The following MDGA2 variants were observed in gnomAD, a reference collection of about 807,000 sequenced individuals.
The protein encoded by MDGA2 is MAM domain containing glycosylphosphatidylinositol anchor 2, also known as MAM domain-containing glycosylphosphatidylinositol anchor protein 2.
A neutral mutation model predicts 117.8 loss-of-function variants in MDGA2; 40 were observed. The ratio of observed to expected loss-of-function variants is 0.34; its 90% CI spans 0.26 to 0.44. The LOEUF is 0.44. Among genes scored for constraint, MDGA2 ranks in the 20% least tolerant of loss-of-function variants. The probability of loss-of-function intolerance (pLI) is 1.00; values close to 1 mark genes in which losing one functional copy is unlikely to be tolerated. For synonymous variants in MDGA2, 452 were observed against 439.0 expected (o/e 1.03, Z -0.37); for missense variants, 1,123 against 1,250.6 (o/e 0.90, Z 1.54).
rs528893061 is a variant in MDGA2 at position 46,855,914 on chromosome 14, G to C, written c.2753-760C>G. The stretch of plus-strand genomic sequence containing the variant: ...CATTTTTCTTCTAAAAGAGTTATTG[G>C]AAAATAAAATGAAGATAGCTTTTAT... On this transcript the variant is annotated intron_variant, in intron 14 of 16. Transcript: ENST00000399232. This position sits in a 1 kb window ranked among gnomAD's most constrained non-coding sequence, Gnocchi z 4.1. Among the ~76,000 whole-genome samples, 4 of 151,810 alleles carry C rather than the reference G, an allele frequency of 2.6e-5. No homozygotes were observed. Among genetic ancestry groups the C allele is most frequent in the South Asian group, 4.2e-4 (2 of 4,806 alleles).
At chr14:47,072,175 G>A (rs1338884320) in intron 6 of MDGA2, among the ~76,000 whole-genome samples, 2 of 145,070 alleles carry the variant, frequency 1.4e-5, no homozygotes, top group African/African-American at 2.5e-5. Flanking sequence ...TAACTGATAA[G>A]AAATAAGAGT....
At chr14:46,950,508 G>A (rs79687698) in intron 9 of MDGA2, among the ~76,000 whole-genome samples, 17,809 of 151,832 alleles carry the variant, frequency 0.12, 1,983 homozygotes, top group African/African-American at 0.27. Flanking sequence ...TTATTTTTCA[G>A]TACAGCTGCA....
intron 1 of MDGA2, among the ~76,000 whole-genome samples, chr14:47,474,639 C>G (rs1387881312): frequency 6.6e-6 from 1 of 152,028 alleles, no homozygotes; most frequent in Non-Finnish European, 1.5e-5. Flanking sequence ...AAAACAGACC[C>G]ATGGACCAAT....
intron 8 of MDGA2, among the ~76,000 whole-genome samples, chr14:47,005,864 G>A (rs772468151): frequency 1.1e-4 from 16 of 151,522 alleles, no homozygotes; most frequent in Admixed American, 2.6e-4. Flanking sequence ...TATAAGCCAC[G>A]TGTAGTATTT....
At chr14:47,223,508 C>G (rs1472669149) in intron 2 of MDGA2, among the ~76,000 whole-genome samples, 1 of 152,104 alleles carries the variant, frequency 6.6e-6, no homozygotes, top group Non-Finnish European at 1.5e-5. Flanking sequence ...GTTCTAGAAG[C>G]TGCCTCATGA....
chr14:47,228,382 T>A (rs2139560792), intron 2 of MDGA2, among the ~76,000 whole-genome samples: 1 of 150,168 alleles, frequency 6.7e-6, no homozygotes, highest in African/African-American at 2.4e-5. Context: ...TTCTACTTGA[T>A]TTTTGACTTT....
intron 1 of MDGA2, among the ~76,000 whole-genome samples, chr14:47,472,819 T>G (rs1394952788): frequency 1.3e-5 from 2 of 152,156 alleles, no homozygotes; most frequent in Admixed American, 6.6e-5. Context: ...TGGAGAAAAT[T>G]ATAATGATGC....
intron 1 of MDGA2, among the ~76,000 whole-genome samples, chr14:47,417,663 C>T (rs968507486): frequency 6.6e-6 from 1 of 152,092 alleles, no homozygotes; most frequent in Admixed American, 6.6e-5. Flanking sequence ...AAGCTGCTTC[C>T]ACATTTTTAG....
intron 16 of MDGA2, among the ~76,000 whole-genome samples, chr14:46,845,310 C>A (rs1880790499): frequency 6.6e-6 from 1 of 152,210 alleles, no homozygotes; most frequent in Non-Finnish European, 1.5e-5. Context: ...GCCTCCCAGC[C>A]TTGCTGAACT....
Position 47,156,626 on chromosome 14 carries a change from T to G in MDGA2, c.596-12352A>C, listed in dbSNP as rs367797097. Among the ~76,000 whole-genome samples, 3 of 152,128 alleles carry G rather than the reference T, an allele frequency of 2.0e-5. No homozygotes were observed. In the East Asian group the frequency reaches 5.8e-4, roughly 29 times the overall value. Reference sequence around the variant, plus strand: ...AGCAGAAGCATGTTTTCCACAGGAGTTTATTCCACCATTTGGTCCAATTTT... The same window carrying G: ...AGCAGAAGCATGTTTTCCACAGGAGGTTATTCCACCATTTGGTCCAATTTT... On this transcript the variant is annotated intron_variant, in intron 3 of 16. Transcript: ENST00000399232.
chr14:47,671,022 T>C (rs1259951413), intron 1 of MDGA2, among the ~76,000 whole-genome samples: 1 of 152,128 alleles, frequency 6.6e-6, no homozygotes, highest in African/African-American at 2.4e-5. Flanking sequence ...AATTTTTCCT[T>C]CAGAAATATT....
At chr14:47,217,309 T>C (rs1206342652) in intron 3 of MDGA2, among the ~76,000 whole-genome samples, 1 of 151,700 alleles carries the variant, frequency 6.6e-6, no homozygotes, top group East Asian at 1.9e-4. Context: ...CATAATGAAG[T>C]GATAGAAAAA....
intron 1 of MDGA2, among the ~76,000 whole-genome samples, chr14:47,551,431 T>C (rs1895579277): frequency 6.6e-6 from 1 of 152,200 alleles, no homozygotes; most frequent in Admixed American, 6.5e-5. Context: ...AATATCATGA[T>C]GTTCTCACTT....
intron 1 of MDGA2, among the ~76,000 whole-genome samples, chr14:47,609,438 T>C (rs1482823584): frequency 2.3e-5 from 2 of 85,514 alleles, no homozygotes; most frequent in Non-Finnish European, 4.7e-5. Context: ...CATATATATA[T>C]ATATATATAT....
intron 8 of MDGA2, among the ~76,000 whole-genome samples, chr14:46,959,391 C>T (rs1474198564): frequency 6.6e-6 from 1 of 150,640 alleles, no homozygotes; most frequent in Non-Finnish European, 1.5e-5. Context: ...ATTTTTCCAT[C>T]CTTTTAATCT....
At chr14:47,451,590 T>C (rs1166845626) in intron 1 of MDGA2, among the ~76,000 whole-genome samples, 1 of 152,002 alleles carries the variant, frequency 6.6e-6, no homozygotes, top group Non-Finnish European at 1.5e-5. Context: ...GATGAGAAAA[T>C]AGATGCATTT....
intron 1 of MDGA2, among the ~76,000 whole-genome samples, chr14:47,574,587 G>C (rs537982372): frequency 4.6e-5 from 7 of 152,120 alleles, no homozygotes; most frequent in African/African-American, 1.7e-4. Flanking sequence ...TCTGATTTCT[G>C]CCTTTAAAAT....
At chr14:47,206,859 C>T (rs747174805) in intron 3 of MDGA2, among the ~76,000 whole-genome samples, 21 of 151,774 alleles carry the variant, frequency 1.4e-4, no homozygotes, top group Admixed American at 2.6e-4. Flanking sequence ...CCACTGTACT[C>T]CAGCCTGGGC....
At chr14:47,147,415 G>T (rs1170337682) in intron 3 of MDGA2, among the ~76,000 whole-genome samples, 1 of 152,104 alleles carries the variant, frequency 6.6e-6, no homozygotes, top group Non-Finnish European at 1.5e-5. Flanking sequence ...ACTACAAAAG[G>T]TCTCAGTAGC....
Sources: allele counts gnomAD v4.1 joint callset (sites outside exome capture counted in the v4.1 genomes callset), GRCh38; gene constraint gnomAD v4.1.1; non-coding constraint Gnocchi (gnomAD v3.1); transcripts MANE v1.5; gene names NCBI Gene and HGNC (gene_info 2026-07-23, HGNC 2026-07-21).